The following STK38 variants were observed in gnomAD, a reference collection of about 807,000 sequenced individuals.
The protein encoded by STK38 is serine/threonine-protein kinase 38.
Under a neutral mutation model 59.0 loss-of-function variants are expected in STK38, and 26 were observed. That is an observed-to-expected ratio of 0.44 (90% confidence interval 0.32 to 0.61). The LOEUF (loss-of-function observed/expected upper bound fraction) is 0.61, where lower values mean the gene tolerates loss of function less well. Ranked by LOEUF, STK38 falls within the 20% of genes least tolerant of loss-of-function variation. The pLI is 0.04. For missense variants in STK38, 433 were observed against 566.0 expected (o/e 0.76, Z 2.38); for synonymous variants, 175 against 176.6 (o/e 0.99, Z 0.07).
At position 36,515,223 on chromosome 6, in the gene STK38, A is replaced by T. The variant is rs550710994; in HGVS notation, c.669+115T>A. 4 of 1,236,956 alleles carry T rather than the reference A, an allele frequency of 3.2e-6. No homozygotes were observed. The African/African-American group carries it at 6.2e-5, about 19-fold the overall frequency. The allele number at this position is 1,236,956 out of a possible 1,614,324, so 76.6% of individuals were successfully genotyped here. Reference sequence around the variant, plus strand: ...CCTGTTTAAAAAAAAAAGGAAAATCATGACAAGGCAGGTCACAGCTCGCCC... The same window carrying T: ...CCTGTTTAAAAAAAAAAGGAAAATCTTGACAAGGCAGGTCACAGCTCGCCC... On this transcript the variant is annotated intron_variant, in intron 7 of 13. Transcript: ENST00000229812.
chr6:36,499,023 A>C (rs371593027), intron 10 of STK38, among the ~76,000 whole-genome samples: 18 of 152,256 alleles, frequency 1.2e-4, no homozygotes, highest in African/African-American at 4.1e-4. Flanking sequence ...CCAGACCCAA[A>C]GTGAAATCAT....
chr6:36,539,668 C>T (rs1777884024), intron 2 of STK38, among the ~76,000 whole-genome samples: 1 of 151,992 alleles, frequency 6.6e-6, no homozygotes, highest in South Asian at 2.1e-4. Context: ...GGACTCTAAA[C>T]CCAAGTCTGA....
intron 12 of STK38, 88 bp downstream of exon 12, chr6:36,497,692 T>C: frequency 9.6e-7 from 1 of 1,043,820 alleles, no homozygotes; most frequent in Non-Finnish European, 1.4e-6. Context: ...TTCCCTTACT[T>C]GGCTTGCCAA....
intron 7 of STK38, among the ~76,000 whole-genome samples, chr6:36,513,101 C>T (rs1258406034): frequency 6.6e-6 from 1 of 152,128 alleles, no homozygotes; most frequent in Non-Finnish European, 1.5e-5. Context: ...CTCACTGCAA[C>T]CTCCGCCTCC....
intron 7 of STK38, among the ~76,000 whole-genome samples, chr6:36,514,902 C>T (rs1361515730): frequency 6.7e-6 from 1 of 149,398 alleles, no homozygotes; most frequent in African/African-American, 2.5e-5. Flanking sequence ...AAGCAGAGAG[C>T]ATGATTTGGA....
At chr6:36,497,902 C>T (rs372381989) in intron 11 of STK38, 27 bp from the exon 12 acceptor site, 9 of 1,456,448 alleles carry the variant, frequency 6.2e-6, no homozygotes, top group South Asian at 3.6e-5. Context: ...CCTTTCAGCA[C>T]ATCTCAAGCA....
At chr6:36,537,003 G>A (rs1401337473) in intron 2 of STK38, among the ~76,000 whole-genome samples, 1 of 151,954 alleles carries the variant, frequency 6.6e-6, no homozygotes, top group Non-Finnish European at 1.5e-5. Context: ...CAGACTGGGA[G>A]AGATTACTTA....
chr6:36,513,032 A>T (rs1000355256), intron 7 of STK38, among the ~76,000 whole-genome samples: 5 of 148,294 alleles, frequency 3.4e-5, no homozygotes, highest in Non-Finnish European at 4.5e-5. Flanking sequence ...TATTATTATT[A>T]TTTTTTAGAT....
At chr6:36,539,717 T>A (rs1248187015) in intron 2 of STK38, among the ~76,000 whole-genome samples, 1 of 151,184 alleles carries the variant, frequency 6.6e-6, no homozygotes, top group Non-Finnish European at 1.5e-5. Flanking sequence ...CACTCTGCCT[T>A]AACAATCAAC....
At chr6:36,509,073 G>A (rs556637277) in intron 7 of STK38, among the ~76,000 whole-genome samples, 4 of 152,344 alleles carry the variant, frequency 2.6e-5, no homozygotes, top group African/African-American at 7.2e-5. Context: ...CCTGCAACAC[G>A]GCGAGCAAGG....
intron 5 of STK38, among the ~76,000 whole-genome samples, chr6:36,520,044 G>C (rs1007472106): frequency 2.0e-5 from 3 of 152,170 alleles, no homozygotes; most frequent in African/African-American, 7.2e-5. Context: ...AAATGGTGAT[G>C]AATTTGCACT....
intron 6 of STK38, 64 bp from the exon 7 acceptor site, chr6:36,515,556 A>ACAC: frequency 4.5e-6 from 7 of 1,544,598 alleles, no homozygotes; most frequent in South Asian, 3.5e-5. Flanking sequence ...ACACACACAC[A>ACAC]ACATACGAGT....
At chr6:36,506,129 A>G (rs954108082) in intron 9 of STK38, among the ~76,000 whole-genome samples, 2 of 152,176 alleles carry the variant, frequency 1.3e-5, no homozygotes, top group African/African-American at 4.8e-5. Context: ...TTTACATCAC[A>G]AAGTCAGAAA....
At position 36,542,539 on chromosome 6, in the gene STK38, T is replaced by A. The variant is rs948672789; in HGVS notation, c.-5-2332A>T. On this transcript the variant is annotated intron_variant, in intron 1 of 13. Transcript: ENST00000229812. ...GGCACACACCAGTAGTCCTAGCTACTCCAAAGGCTGAGGCAGAATTGCTTG... is the reference window on the plus strand; with the variant it reads ...GGCACACACCAGTAGTCCTAGCTACACCAAAGGCTGAGGCAGAATTGCTTG... 5.3e-5 allele frequency among the ~76,000 whole-genome samples: 8 copies of A among 152,324 alleles called. No homozygotes were observed. The South Asian group carries it at 1.2e-3, about 24-fold the overall frequency.
intron 6 of STK38, 37 bp downstream of exon 6, chr6:36,517,679 CA>C: frequency 6.2e-7 from 1 of 1,604,834 alleles, no homozygotes; most frequent in Non-Finnish European, 8.5e-7. Flanking sequence ...AACCACAGAA[CA>C]AAAAGAAAAA....
chr6:36,515,237 C>G (rs1179732247), intron 7 of STK38, 101 bp downstream of exon 7: 1 of 1,382,296 alleles, frequency 7.2e-7, no homozygotes, highest in African/African-American at 1.5e-5. Context: ...CAAGGCAGGT[C>G]ACAGCTCGCC....
chr6:36,540,312 G>T, intron 1 of STK38, 105 bp from the exon 2 acceptor site: 1 of 1,126,720 alleles, frequency 8.9e-7, no homozygotes, highest in Non-Finnish European at 1.3e-6. Context: ...AAGTTTTCTG[G>T]AGGACAAACA....
At chr6:36,530,382 G>C (rs1280336095) in intron 2 of STK38, among the ~76,000 whole-genome samples, 2 of 147,804 alleles carry the variant, frequency 1.4e-5, no homozygotes, top group East Asian at 2.0e-4. Flanking sequence ...TTTTTTTTTT[G>C]AGACAAGAGT....
chr6:36,509,413 T>C (rs1047353912), intron 7 of STK38, among the ~76,000 whole-genome samples: 2 of 152,074 alleles, frequency 1.3e-5, no homozygotes, highest in Non-Finnish European at 2.9e-5. Context: ...CAAACCTTCT[T>C]AGAAGGCTGG....
Sources: gnomAD v4.1 joint callset for allele counts (sites outside exome capture counted in the v4.1 genomes callset) on GRCh38, gnomAD v4.1.1 for gene constraint, MANE v1.5 for transcripts, NCBI Gene and HGNC (gene_info 2026-07-23, HGNC 2026-07-21) for gene names.